The following NASP variants were observed in gnomAD, a reference collection of about 807,000 sequenced individuals.
NASP encodes the protein NASP histone chaperone.
A neutral mutation model predicts 89.5 loss-of-function variants in NASP; 24 were observed. The ratio of observed to expected loss-of-function variants is 0.27; its 90% CI spans 0.19 to 0.38. The LOEUF (loss-of-function observed/expected upper bound fraction) is 0.38, where lower values mean the gene tolerates loss of function less well. NASP is among the 10% of genes least tolerant of loss of function. The pLI is 1.00. For missense variants in NASP, 848 were observed against 921.4 expected (o/e 0.92, Z 1.03); for synonymous variants, 306 against 324.7 (o/e 0.94, Z 0.62).
intron 6 of NASP, chr1:45,611,796 A>T (rs146585413): frequency 3.4e-5 from 5 of 148,666 alleles, no homozygotes. Flanking sequence ...ACCTTTCCCA[A>T]CTTGTGCCCA....
At position 45,615,551 on chromosome 1, in the gene NASP, A is replaced by T. The variant is rs117515079; in HGVS notation, c.2022+80A>T. The T allele has an allele frequency of 5.2e-5, 72 of 1,397,022 alleles. 2 individuals carry two copies. In the East Asian group the frequency reaches 1.5e-3, roughly 30 times the overall value. 86.5% of individuals were successfully genotyped at this position (1,397,022 alleles called of 1,614,324 possible). A position where few individuals can be genotyped will look rare whatever the true frequency, so the allele number is the denominator to read the frequency against. ...TTCTATTTGCCAGGAACTTTTCATCATGACTTGGTTTCCAGGGAGTTGGTG... is the reference window on the plus strand; with the variant it reads ...TTCTATTTGCCAGGAACTTTTCATCTTGACTTGGTTTCCAGGGAGTTGGTG... On this transcript the variant is annotated intron_variant, in intron 11 of 14. Transcript: ENST00000350030.
intron 2 of NASP, among the ~76,000 whole-genome samples, chr1:45,599,684 C>T (rs1218661530): frequency 6.6e-6 from 1 of 152,154 alleles, no homozygotes; most frequent in Non-Finnish European, 1.5e-5. Flanking sequence ...GCCTCAGCCT[C>T]CCAAAGTGCT....
chr1:45,612,047 T>C (rs1644023769), intron 6 of NASP: 1 of 147,414 alleles, frequency 6.8e-6, no homozygotes, highest in Admixed American at 6.8e-5. Context: ...TTTTTGGTTT[T>C]TTTTTTTAGT....
At chr1:45,593,639 A>C (rs1359180649) in intron 2 of NASP, among the ~76,000 whole-genome samples, 2 of 151,776 alleles carry the variant, frequency 1.3e-5, no homozygotes, top group Admixed American at 6.6e-5. Context: ...TGTAAAATTA[A>C]ATGAGTGCTG....
At chr1:45,585,232 G>C (rs997988941) in intron 1 of NASP, among the ~76,000 whole-genome samples, 1 of 152,156 alleles carries the variant, frequency 6.6e-6, no homozygotes, top group Non-Finnish European at 1.5e-5. Context: ...TCCCAATCTT[G>C]CCATATTTTT....
chr1:45,609,325 A>G (rs1022212667), intron 6 of NASP: 2 of 152,188 alleles, frequency 1.3e-5, no homozygotes, highest in African/African-American at 4.8e-5. Context: ...CCCATCTTCA[A>G]TACTTTGAAC....
At chr1:45,594,186 G>A (rs977323369) in intron 2 of NASP, among the ~76,000 whole-genome samples, 2 of 152,004 alleles carry the variant, frequency 1.3e-5, no homozygotes, top group African/African-American at 2.4e-5. Context: ...AAAATTAGCC[G>A]GTCGTGGTGG....
At chr1:45,597,507 G>A (rs952498228) in intron 2 of NASP, among the ~76,000 whole-genome samples, 2 of 152,150 alleles carry the variant, frequency 1.3e-5, no homozygotes, top group Admixed American at 6.5e-5. Context: ...TCTACTAACA[G>A]ACATTTAGGA....
intron 3 of NASP, among the ~76,000 whole-genome samples, chr1:45,603,605 ATTTT>A (rs10646791): frequency 8.4e-6 from 1 of 119,050 alleles, no homozygotes; most frequent in African/African-American, 3.3e-5. Flanking sequence ...GTATTTAGAG[ATTTT>A]TTTTTTTTTT....
intron 12 of NASP, 39 bp from the exon 13 acceptor site, chr1:45,616,587 A>G (rs1255361896): frequency 5.7e-6 from 9 of 1,590,680 alleles, no homozygotes; most frequent in Non-Finnish European, 7.8e-6. Context: ...TTGATCTCAT[A>G]TAGCTTGTAC....
At chr1:45,617,411 C>G in intron 13 of NASP, 52 bp from the exon 14 acceptor site, 1 of 1,580,738 alleles carries the variant, frequency 6.3e-7, no homozygotes, top group South Asian at 1.2e-5. Flanking sequence ...TTGCAGTTGT[C>G]TTTTTAAAAA....
chr1:45,590,262 C>T (rs931798924), intron 1 of NASP, among the ~76,000 whole-genome samples: 54 of 152,006 alleles, frequency 3.6e-4, no homozygotes, highest in Non-Finnish European at 6.2e-4. Flanking sequence ...ATAAATTTAT[C>T]GGCCGGGCGC....
intron 2 of NASP, among the ~76,000 whole-genome samples, chr1:45,601,195 C>G (rs1379103835): frequency 6.6e-6 from 1 of 151,518 alleles, no homozygotes; most frequent in Non-Finnish European, 1.5e-5. Flanking sequence ...ATTTTTTTTC[C>G]TCTTGTTAAT....
At chr1:45,617,068 C>G (rs976184866) in intron 13 of NASP, among the ~76,000 whole-genome samples, 1 of 152,188 alleles carries the variant, frequency 6.6e-6, no homozygotes, top group Admixed American at 6.5e-5. Context: ...TGGTCTTGAA[C>G]TGCTGACCTC....
chr1:45,601,943 G>A (rs1370041001), intron 2 of NASP, among the ~76,000 whole-genome samples: 2 of 151,542 alleles, frequency 1.3e-5, no homozygotes, highest in African/African-American at 4.8e-5. Flanking sequence ...TAGTAGAGAC[G>A]GGGTTTCACC....
At chr1:45,599,925 C>T (rs1359965276) in intron 2 of NASP, among the ~76,000 whole-genome samples, 1 of 149,956 alleles carries the variant, frequency 6.7e-6, no homozygotes, top group East Asian at 1.9e-4. Flanking sequence ...CTTACTATTG[C>T]CTCTGTCCTA....
chr1:45,611,034 C>T (rs1643999518), intron 6 of NASP: 1 of 152,152 alleles, frequency 6.6e-6, no homozygotes, highest in African/African-American at 2.4e-5. Flanking sequence ...ACACCATTAT[C>T]TTCTCATATC....
At chr1:45,600,936 A>G (rs3014210) in intron 2 of NASP, among the ~76,000 whole-genome samples, 106,654 of 152,050 alleles carry the variant, frequency 0.7, 37,517 homozygotes, top group Non-Finnish European at 0.71. Context: ...TGAGTGAGCA[A>G]TAATGTTGGC....
chr1:45,615,241 A>G lies in NASP; in HGVS notation c.1855+40A>G, dbSNP rs764826518. ...GCTGCTTCATGGTGATGTTGGATCC[A>G]GCAATTAACAAGGAAGAAAACAGTT... On this transcript the variant is annotated intron_variant, in intron 10 of 14. Transcript: ENST00000350030. The G allele has an allele frequency of 1.8e-5, 29 of 1,611,796 alleles. No individual in the cohort carries two copies. In the Admixed American group the frequency reaches 4.5e-4, roughly 25 times the overall value.
Sources: gnomAD v4.1 joint callset for allele counts (sites outside exome capture counted in the v4.1 genomes callset) on GRCh38, gnomAD v4.1.1 for gene constraint, MANE v1.5 for transcripts, NCBI Gene and HGNC (gene_info 2026-07-23, HGNC 2026-07-21) for gene names.